IGSF11: variants seen among roughly 807,000 people sequenced by gnomAD.
IGSF11 encodes the protein CXADR like 1.
IGSF11 carries 22 observed loss-of-function variants against 41.0 expected under a neutral mutation model. That is an observed-to-expected ratio of 0.54 (90% CI 0.38 to 0.77). IGSF11 has a LOEUF of 0.77. IGSF11 is among the 30% of genes least tolerant of loss of function. IGSF11 has a pLI of 0.00. For synonymous variants in IGSF11, 219 were observed against 201.3 expected, an observed-to-expected ratio of 1.09 and a Z score of -0.74; for missense variants, 444 against 530.8, an observed-to-expected ratio of 0.84 and a Z score of 1.61.
At chr3:118,922,048 A>C (rs1381321810) in intron 4 of IGSF11, among the ~76,000 whole-genome samples, 1 of 151,996 alleles carries the variant, frequency 6.6e-6, no homozygotes. Context: ...CCCATAGGCC[A>C]TTCTCACTGG....
chr3:119,124,212 C>T (rs185428592), intron 1 of IGSF11, among the ~76,000 whole-genome samples: 1 of 148,986 alleles, frequency 6.7e-6, no homozygotes. Context: ...TTAAAATAAG[C>T]ACACATTCTG....
chr3:118,928,407 C>T (rs1309365684), intron 3 of IGSF11, 102 bp downstream of exon 3: 4 of 809,404 alleles, frequency 4.9e-6, no homozygotes, highest in African/African-American at 3.4e-5. Flanking sequence ...AGAAAAAGAA[C>T]ATAAGCAGAC....
chr3:119,142,301 C>A (rs2077660674), intron 1 of IGSF11, among the ~76,000 whole-genome samples: 1 of 145,550 alleles, frequency 6.9e-6, no homozygotes, highest in Non-Finnish European at 1.5e-5. Flanking sequence ...AAAAAAGTGT[C>A]TGCATGTATT....
intron 1 of IGSF11, among the ~76,000 whole-genome samples, chr3:119,101,238 G>A (rs187783663): frequency 1.6e-4 from 25 of 152,232 alleles, no homozygotes; most frequent in East Asian, 1.4e-3. Context: ...GGCCGGGTGC[G>A]GTGGCTCACA....
rs1031511546 is a variant in IGSF11, at chr3:119,003,411, G to A, written c.52+31120C>T. Among the ~76,000 whole-genome samples, 18 of 150,342 alleles carry A rather than the reference G, an allele frequency of 1.2e-4. 1 individual carries two copies. Among genetic ancestry groups the A allele is most frequent in the African/African-American group, 1.8e-4 (7 of 39,940 alleles). On this transcript the variant is annotated intron_variant, in intron 1 of 6. Coordinates refer to ENST00000393775, the MANE Select transcript of IGSF11 (RefSeq NM_001015887.3). ...GGTTTTCCAGATAAACAATCATGTC[G>A]TCTGCAAACAGGGACAATTTGACTT...
At chr3:119,029,272 A>ACCCACC (rs1553716832) in intron 1 of IGSF11, among the ~76,000 whole-genome samples, 14 of 145,216 alleles carry the variant, frequency 9.6e-5, no homozygotes, top group Non-Finnish European at 2.0e-4. Context: ...ACACACACAC[A>ACCCACC]CACCCGAGAG....
At chr3:119,046,164 G>C (rs1207280007) in intron 1 of IGSF11, among the ~76,000 whole-genome samples, 1 of 150,818 alleles carries the variant, frequency 6.6e-6, no homozygotes, top group African/African-American at 2.4e-5. Flanking sequence ...GACGAGCTGA[G>C]AGAAGAAGGC....
intron 1 of IGSF11, among the ~76,000 whole-genome samples, chr3:119,056,466 T>C (rs1292722752): frequency 6.6e-6 from 1 of 152,092 alleles, no homozygotes; most frequent in Non-Finnish European, 1.5e-5. Flanking sequence ...GATGTGAAAT[T>C]GAGGCAATAA....
chr3:118,905,470 C>A, intron 5 of IGSF11, 126 bp downstream of exon 5: 39 of 1,027,854 alleles, frequency 3.8e-5, no homozygotes, highest in South Asian at 2.5e-4. Context: ...TAATTAAAAC[C>A]AAAACAATTT....
chr3:119,044,944 G>C lies in IGSF11; in HGVS notation c.49+60200C>G, dbSNP rs1438661764. Among the ~76,000 whole-genome samples, 3 of 152,092 alleles carry C rather than the reference G, an allele frequency of 2.0e-5. No individual in the cohort carries two copies. The East Asian group carries it at 5.8e-4, about 29-fold the overall frequency. Reference sequence around the variant, plus strand: ...ACAAAACCTGAAATACACCAAAATAGAACCGCCTTAAAGCACAAATCTCAC... The same window carrying C: ...ACAAAACCTGAAATACACCAAAATACAACCGCCTTAAAGCACAAATCTCAC... On this transcript the variant is annotated intron_variant, in intron 1 of 6. Transcript: ENST00000354673.
chr3:118,903,702 G>A (rs1939213541), intron 6 of IGSF11, among the ~76,000 whole-genome samples: 1 of 152,114 alleles, frequency 6.6e-6, no homozygotes, highest in East Asian at 1.9e-4. Flanking sequence ...CATTTATTGG[G>A]TACACTTTAC....
intron 1 of IGSF11, among the ~76,000 whole-genome samples, chr3:119,114,767 C>G (rs1423749854): frequency 6.6e-6 from 1 of 152,168 alleles, no homozygotes; most frequent in East Asian, 1.9e-4. Flanking sequence ...TATAGCAATG[C>G]CCCACTCTTA....
intron 1 of IGSF11, among the ~76,000 whole-genome samples, chr3:119,021,023 C>T (rs1467249105): frequency 1.3e-5 from 2 of 152,052 alleles, no homozygotes; most frequent in East Asian, 3.9e-4. Flanking sequence ...AATGAAATAA[C>T]ATATTTTTAA....
chr3:119,127,004 G>C (rs142115560), intron 1 of IGSF11, among the ~76,000 whole-genome samples: 53 of 152,176 alleles, frequency 3.5e-4, no homozygotes, highest in African/African-American at 1.2e-3. Flanking sequence ...CTCCATCAAG[G>C]GCACAGAACT....
intron 1 of IGSF11, among the ~76,000 whole-genome samples, chr3:119,092,519 G>A (rs1242135619): frequency 6.6e-6 from 1 of 152,042 alleles, no homozygotes; most frequent in Non-Finnish European, 1.5e-5. Context: ...TAGTAGAGAC[G>A]TGGTTTCGCC....
rs554105731 is a variant in IGSF11, at chr3:119,079,123, C to T, written c.49+26021G>A. Among the ~76,000 whole-genome samples the T allele has an allele frequency of 5.9e-5, 9 of 152,074 alleles. No homozygotes were observed. In the East Asian group the frequency reaches 1.2e-3, roughly 20 times the overall value. ...CTGTAATCCCAGCACTTTGGGAAGC[C>T]GAAGTGGGCAGATCACCTGAGGTCA... On this transcript the variant is annotated intron_variant, in intron 1 of 6. Coordinates refer to the IGSF11 transcript ENST00000354673.
chr3:119,128,983 A>AT (rs1437303915), intron 1 of IGSF11, among the ~76,000 whole-genome samples: 3 of 152,180 alleles, frequency 2.0e-5, no homozygotes, highest in African/African-American at 7.2e-5. Context: ...CTATGAAGCC[A>AT]TAAAAAATGA....
At chr3:118,971,633 T>C (rs965276697) in intron 1 of IGSF11, among the ~76,000 whole-genome samples, 13 of 152,050 alleles carry the variant, frequency 8.5e-5, no homozygotes, top group Admixed American at 3.3e-4. Context: ...TGAAACCCCG[T>C]CTCTACTAAA....
chr3:119,059,565 T>C (rs1178654636), intron 1 of IGSF11, among the ~76,000 whole-genome samples: 1 of 152,186 alleles, frequency 6.6e-6, no homozygotes, highest in Non-Finnish European at 1.5e-5. Flanking sequence ...GAAATAATTT[T>C]TGAAAAGGAT....
Sources: gnomAD v4.1 joint callset for allele counts (sites outside exome capture counted in the v4.1 genomes callset) on GRCh38, gnomAD v4.1.1 for gene constraint, MANE v1.5 for transcripts, NCBI Gene and HGNC (gene_info 2026-07-23, HGNC 2026-07-21) for gene names.